SBF2: variants seen among roughly 807,000 people sequenced by gnomAD.
SBF2 encodes the protein SET binding factor 2.
SBF2 carries 112 observed loss-of-function variants against 225.2 expected under a neutral mutation model. The observed-to-expected ratio is 0.50, with a 90% CI of 0.43 to 0.58. The LOEUF (loss-of-function observed/expected upper bound fraction) is 0.58. SBF2 is among the 20% of genes least tolerant of loss of function. The pLI, the probability that SBF2 is intolerant of heterozygous loss-of-function variation, is 0.00. For synonymous variants in SBF2, 763 were observed against 773.3 expected (o/e 0.99, Z 0.22); for missense variants, 1,996 against 2,206.2 (o/e 0.90, Z 1.91).
chr11:10,174,573 T>C (rs13377226), intron 2 of SBF2, among the ~76,000 whole-genome samples: 14,490 of 152,234 alleles, frequency 0.095, 938 homozygotes, highest in East Asian at 0.28. Flanking sequence ...TGGAACCAAG[T>C]TGGAAAACAC....
intron 2 of SBF2, among the ~76,000 whole-genome samples, chr11:10,093,000 C>G (rs1421342815): frequency 3.3e-5 from 5 of 150,532 alleles, no homozygotes; most frequent in African/African-American, 1.2e-4. Context: ...GTCACAATTC[C>G]TCATTTTCTT....
chr11:10,090,326 G>T (rs550101780), intron 2 of SBF2, among the ~76,000 whole-genome samples: 7 of 152,070 alleles, frequency 4.6e-5, no homozygotes, highest in Non-Finnish European at 1.0e-4. Context: ...GGTTAAAAAG[G>T]TATATTTTAT....
chr11:9,862,907 A>G (rs1460424170), intron 17 of SBF2, among the ~76,000 whole-genome samples: 1 of 152,156 alleles, frequency 6.6e-6, no homozygotes, highest in Non-Finnish European at 1.5e-5. Context: ...TGAGGGTGTG[A>G]GATGGTGGTG....
intron 16 of SBF2, among the ~76,000 whole-genome samples, chr11:9,939,191 G>A (rs1387281421): frequency 6.6e-6 from 1 of 152,120 alleles, no homozygotes; most frequent in Non-Finnish European, 1.5e-5. Flanking sequence ...TGCCTCCAAG[G>A]TTCAAGCGAG....
At chr11:9,957,399 T>C (rs1682739235) in intron 16 of SBF2, 1 of 152,232 alleles carries the variant, frequency 6.6e-6, no homozygotes, top group African/African-American at 2.4e-5. Context: ...CCGTGACCTG[T>C]ATGTTGTTTC....
intron 16 of SBF2, among the ~76,000 whole-genome samples, chr11:9,940,028 A>C (rs1865156020): frequency 1.3e-5 from 2 of 152,090 alleles, no homozygotes; most frequent in Non-Finnish European, 2.9e-5. Context: ...CGGTTTCAAC[A>C]TTAGATCATG....
At chr11:10,093,656 A>T (rs1379920863) in intron 2 of SBF2, among the ~76,000 whole-genome samples, 1 of 152,232 alleles carries the variant, frequency 6.6e-6, no homozygotes. Flanking sequence ...TAAATAATAG[A>T]TATGTGACTT....
intron 3 of SBF2, among the ~76,000 whole-genome samples, chr11:10,036,027 A>G (rs1949422847): frequency 6.6e-6 from 1 of 152,216 alleles, no homozygotes; most frequent in Non-Finnish European, 1.5e-5. Context: ...TCCACCAATA[A>G]TAGATCGGAT....
intron 2 of SBF2, among the ~76,000 whole-genome samples, chr11:10,084,483 G>T (rs1053849527): frequency 2.6e-5 from 4 of 152,122 alleles, no homozygotes; most frequent in Admixed American, 2.6e-4. Context: ...TGTTGGGTGG[G>T]AATGTAAATT....
At chr11:10,153,624 G>T (rs1296086239) in intron 2 of SBF2, among the ~76,000 whole-genome samples, 1 of 152,026 alleles carries the variant, frequency 6.6e-6, no homozygotes, top group Admixed American at 6.5e-5. Flanking sequence ...ACTTGAAAAT[G>T]TAATGCAAAT....
chr11:10,182,973 A>G (rs1956796584), intron 2 of SBF2, among the ~76,000 whole-genome samples: 1 of 151,858 alleles, frequency 6.6e-6, no homozygotes, highest in Non-Finnish European at 1.5e-5. Flanking sequence ...GGGTTTCACC[A>G]TGTTGGCCAG....
At chr11:10,296,301 C>T (rs138283345), upstream of SBF2, among the ~76,000 whole-genome samples, 5 of 152,130 alleles carry the variant, frequency 3.3e-5, no homozygotes, top group East Asian at 3.9e-4. Flanking sequence ...ACTGTTCTCA[C>T]GGTGCTAATA....
intron 1 of SBF2, among the ~76,000 whole-genome samples, chr11:10,299,408 T>C (rs1052677260): frequency 2.0e-5 from 3 of 150,650 alleles, no homozygotes; most frequent in African/African-American, 7.3e-5. Flanking sequence ...AATGGTTGAA[T>C]CTTAACATTC....
exon 1 of SBF2, among the ~76,000 whole-genome samples, chr11:10,304,508 G>T (rs1056735900): frequency 1.3e-5 from 2 of 152,134 alleles, no homozygotes; most frequent in Non-Finnish European, 2.9e-5. Flanking sequence ...ACCCCGAAAC[G>T]CCGGGGTCTT....
At chr11:10,233,088 G>A (rs987498746) in intron 1 of SBF2, among the ~76,000 whole-genome samples, 36 of 152,168 alleles carry the variant, frequency 2.4e-4, no homozygotes, top group African/African-American at 8.7e-4. Flanking sequence ...TTCAGCCAAA[G>A]AAGCTAATTA....
intron 2 of SBF2, among the ~76,000 whole-genome samples, chr11:10,075,739 C>A (rs1294137655): frequency 6.6e-6 from 1 of 152,166 alleles, no homozygotes; most frequent in African/African-American, 2.4e-5. Flanking sequence ...AACTGTGAGT[C>A]AATTAAACCT....
chr11:10,284,762 C>T (rs894494906), intron 1 of SBF2, among the ~76,000 whole-genome samples: 1 of 151,864 alleles, frequency 6.6e-6, no homozygotes, highest in Non-Finnish European at 1.5e-5. Context: ...AGGCATGCAT[C>T]ATCACACCTG....
intron 2 of SBF2, among the ~76,000 whole-genome samples, chr11:10,174,685 G>A (rs988379094): frequency 6.6e-6 from 1 of 152,078 alleles, no homozygotes; most frequent in African/African-American, 2.4e-5. Context: ...TCCTCGAGAA[G>A]AGCAACTCCA....
intron 2 of SBF2, among the ~76,000 whole-genome samples, chr11:10,153,231 GAAGA>G (rs1301546747): frequency 1.3e-5 from 2 of 152,108 alleles, no homozygotes; most frequent in African/African-American, 4.8e-5. Context: ...TAATTACCAA[GAAGA>G]AAGATAATGA....
Sources: allele counts gnomAD v4.1 joint callset (sites outside exome capture counted in the v4.1 genomes callset), GRCh38; gene constraint gnomAD v4.1.1; transcripts MANE v1.5; gene names NCBI Gene and HGNC (gene_info 2026-07-23, HGNC 2026-07-21).